Variants in CCDC7 observed in about 807,000 individuals in gnomAD.
The protein encoded by CCDC7 is coiled-coil domain-containing protein 7.
In CCDC7, 183 loss-of-function variants were observed where a neutral mutation model predicts 196.9. The ratio of observed to expected loss-of-function variants is 0.93; its 90% CI spans 0.82 to 1.05. The LOEUF (loss-of-function observed/expected upper bound fraction) is 1.05, where lower values mean the gene tolerates loss of function less well. CCDC7 is among the 50% of genes least tolerant of loss of function. CCDC7 has a pLI of 0.00. For synonymous variants in CCDC7, 525 were observed against 484.6 expected, an observed-to-expected ratio of 1.08 and a Z score of -1.10; for missense variants, 1,540 against 1,482.2, an observed-to-expected ratio of 1.04 and a Z score of -0.64.
intron 25 of CCDC7, among the ~76,000 whole-genome samples, chr10:32,716,875 C>T (rs2081668041): frequency 1.3e-5 from 2 of 152,188 alleles, no homozygotes; most frequent in Admixed American, 6.5e-5. Context: ...GCTCCCAATA[C>T]AGGAGCACCC....
chr10:32,553,857 G>A (rs1035397461), intron 13 of CCDC7, among the ~76,000 whole-genome samples: 2 of 152,218 alleles, frequency 1.3e-5, no homozygotes, highest in Non-Finnish European at 2.9e-5. Context: ...TGGAGAGGAA[G>A]AGGCGGTGGC....
intron 40 of CCDC7, among the ~76,000 whole-genome samples, chr10:32,853,250 A>C (rs552186359): frequency 6.6e-6 from 1 of 152,272 alleles, no homozygotes; most frequent in African/African-American, 2.4e-5. Flanking sequence ...GAGGAGAATA[A>C]AATTAATAAA....
chr10:32,685,676 A>G (rs2076385498), intron 21 of CCDC7, among the ~76,000 whole-genome samples: 1 of 152,162 alleles, frequency 6.6e-6, no homozygotes, highest in South Asian at 2.1e-4. Flanking sequence ...ATGTATTTTT[A>G]TTGTTTGGTT....
At chr10:32,755,414 G>T (rs936006608) in intron 28 of CCDC7, among the ~76,000 whole-genome samples, 1 of 152,118 alleles carries the variant, frequency 6.6e-6, no homozygotes, top group Non-Finnish European at 1.5e-5. Flanking sequence ...CCTCTGAGAT[G>T]AAGCTTCCAG....
At chr10:32,693,398 AT>A (rs1001092883) in intron 23 of CCDC7, among the ~76,000 whole-genome samples, 251 of 150,962 alleles carry the variant, frequency 1.7e-3, no homozygotes, top group Non-Finnish European at 2.5e-3. Flanking sequence ...TTCCTTCTCT[AT>A]TTTTTTTCTC....
At chr10:32,691,320 T>C (rs1434302534) in intron 23 of CCDC7, among the ~76,000 whole-genome samples, 12 of 152,148 alleles carry the variant, frequency 7.9e-5, no homozygotes, top group Admixed American at 7.9e-4. Flanking sequence ...CAGGAGGTTC[T>C]TGGTGAAAAG....
chr10:32,488,336 G>A (rs2041579303), intron 8 of CCDC7, among the ~76,000 whole-genome samples: 1 of 152,198 alleles, frequency 6.6e-6, no homozygotes, highest in African/African-American at 2.4e-5. Context: ...CATTGGAAAA[G>A]CGCGGTATTA....
At chr10:32,828,472 A>G (rs1235357290) in intron 32 of CCDC7, among the ~76,000 whole-genome samples, 10 of 77,758 alleles carry the variant, frequency 1.3e-4, no homozygotes, top group East Asian at 4.1e-4. Context: ...GAAGAGGAAG[A>G]GGAAGAGGAA....
intron 29 of CCDC7, among the ~76,000 whole-genome samples, chr10:32,787,842 T>A (rs1243581107): frequency 1.3e-5 from 2 of 151,768 alleles, no homozygotes; most frequent in African/African-American, 4.8e-5. Flanking sequence ...GGCTCGCCCC[T>A]ATTCCAGGAC....
intron 25 of CCDC7, among the ~76,000 whole-genome samples, chr10:32,721,582 A>G (rs1289266095): frequency 6.6e-6 from 1 of 152,104 alleles, no homozygotes; most frequent in Non-Finnish European, 1.5e-5. Context: ...TAGTAGCTGA[A>G]TAGTCCCAAT....
At chr10:32,501,858 G>A (rs1312422751) in intron 9 of CCDC7, among the ~76,000 whole-genome samples, 1 of 152,196 alleles carries the variant, frequency 6.6e-6, no homozygotes, top group African/African-American at 2.4e-5. Flanking sequence ...CGTTGTCAGA[G>A]CTTGAACACT....
rs139938811 is a variant in CCDC7 at position 32,882,238 on chromosome 10, A to G, written c.*2358-455A>G. Reference sequence around the variant, plus strand: ...GCAGATGGAAAATTGTTAAGAGGAGATATCAAGTGTAGAGGGATTCTTGCT... The same window carrying G: ...GCAGATGGAAAATTGTTAAGAGGAGGTATCAAGTGTAGAGGGATTCTTGCT... On this transcript the variant is annotated intron_variant and NMD_transcript_variant, in intron 22 of 22. Coordinates refer to the CCDC7 transcript ENST00000375025. Among the ~76,000 whole-genome samples the G allele has an allele frequency of 3.2e-3, 488 of 152,270 alleles. 2 individuals carry two copies. Among genetic ancestry groups the G allele is most frequent in the African/African-American group, 0.011 (449 of 41,568 alleles).
chr10:32,487,494 C>T (rs939298324), intron 8 of CCDC7, among the ~76,000 whole-genome samples: 1 of 152,232 alleles, frequency 6.6e-6, no homozygotes. Context: ...TCGTCGAAGT[C>T]ATTCTCCGTC....
Position 32,709,136 on chromosome 10 carries a change from C to A in CCDC7, c.2459-2484C>A, listed in dbSNP as rs924708886. On this transcript the variant is annotated intron_variant, in intron 24 of 41. Transcript: ENST00000639629. ...CACATATACACCATGGAGTACTATG[C>A]AGCCATAAAAAAGGATGAGTTCATG... 8.5e-5 allele frequency among the ~76,000 whole-genome samples: 13 copies of A among 152,136 alleles called. No homozygotes were observed. The East Asian group carries it at 2.3e-3, about 27-fold the overall frequency.
At chr10:32,743,920 T>A (rs1356570207) in intron 28 of CCDC7, among the ~76,000 whole-genome samples, 2 of 135,466 alleles carry the variant, frequency 1.5e-5, no homozygotes, top group South Asian at 2.3e-4. Flanking sequence ...TTCTCACTCA[T>A]AGCTGGGAAT....
intron 25 of CCDC7, among the ~76,000 whole-genome samples, chr10:32,724,662 C>T (rs145174349): frequency 6.6e-6 from 1 of 152,076 alleles, no homozygotes; most frequent in East Asian, 1.9e-4. Flanking sequence ...GTACTGAACA[C>T]TGTCAGAAGA....
At chr10:32,658,752 G>A (rs1470286221) in intron 20 of CCDC7, among the ~76,000 whole-genome samples, 1 of 152,068 alleles carries the variant, frequency 6.6e-6, no homozygotes, top group Admixed American at 6.6e-5. Context: ...AATAATCCAG[G>A]CCCATAAAGA....
chr10:32,513,180 G>A (rs745659850), intron 9 of CCDC7: 7 of 151,982 alleles, frequency 4.6e-5, no homozygotes, highest in Non-Finnish European at 7.4e-5. Context: ...TAGGAGTATG[G>A]CTCAATAATC....
chr10:32,605,840 TAGAAA>T lies in CCDC7; in HGVS notation c.1801+21554_1801+21558del, dbSNP rs71299732. On this transcript the variant is annotated intron_variant, in intron 18 of 41. Transcript: ENST00000639629. ...TTGGAAAATTTATAACCTGGCCATA[TAGAAA>T]AGAAAAGAAAAGAAAAGCCTGTTTT... is the stretch of plus-strand genomic sequence containing the variant. Among the ~76,000 whole-genome samples the T allele has an allele frequency of 1.3e-3, 195 of 151,560 alleles. 1 individual carries two copies. The highest frequency in any genetic ancestry group is 4.1e-3 in the African/African-American group (170 of 41,406).
Sources: allele counts gnomAD v4.1 joint callset (sites outside exome capture counted in the v4.1 genomes callset), GRCh38; gene constraint gnomAD v4.1.1; transcripts MANE v1.5; gene names NCBI Gene and HGNC (gene_info 2026-07-23, HGNC 2026-07-21).